The following GTF2E2 variants were observed in gnomAD, a reference collection of about 807,000 sequenced individuals.
GTF2E2 encodes transcription initiation factor IIE subunit beta.
A neutral mutation model predicts 40.5 loss-of-function variants in GTF2E2; 21 were observed. The observed-to-expected ratio is 0.52, with a 90% confidence interval of 0.37 to 0.75. GTF2E2 has a LOEUF of 0.75. GTF2E2 is among the 30% of genes least tolerant of loss of function. The pLI, the probability that GTF2E2 is intolerant of heterozygous loss-of-function variation, is 0.00. For synonymous variants in GTF2E2, 117 were observed against 121.6 expected, an observed-to-expected ratio of 0.96 and a Z score of 0.25; for missense variants, 298 against 338.4, an observed-to-expected ratio of 0.88 and a Z score of 0.94.
chr8:30,616,343 G>A (rs1800917221), intron 3 of GTF2E2, among the ~76,000 whole-genome samples: 1 of 152,114 alleles, frequency 6.6e-6, no homozygotes, highest in African/African-American at 2.4e-5. Flanking sequence ...GGCTGAGGCA[G>A]GGGAATCACT....
intron 3 of GTF2E2, among the ~76,000 whole-genome samples, chr8:30,625,629 T>A (rs1358796967): frequency 6.6e-6 from 1 of 151,228 alleles, no homozygotes; most frequent in Non-Finnish European, 1.5e-5. Flanking sequence ...GTTTTTTGTT[T>A]TAAGGGACAC....
rs369536815 is a variant in GTF2E2, at chr8:30,602,749, C to T, written c.643+4308G>A. Among the ~76,000 whole-genome samples the T allele has an allele frequency of 1.2e-3, 152 of 124,766 alleles. 1 individual carries two copies. The highest frequency in any genetic ancestry group is 4.5e-3 in the Middle Eastern group (1 of 224). 81.9% of individuals were successfully genotyped at this position (124,766 alleles called of 152,430 possible). A position where few individuals can be genotyped will look rare whatever the true frequency, so the allele number is the denominator to read the frequency against. ...AGCCTGGGCAACAAGAGCGAAACTC[C>T]GTCTCAAAAAAAAAAAAAAAAAGGT... On this transcript the variant is annotated intron_variant, in intron 6 of 7. Coordinates refer to ENST00000355904, the MANE Select transcript of GTF2E2 (RefSeq NM_002095.6).
At chr8:30,647,809 T>C (rs1018998508) in intron 2 of GTF2E2, among the ~76,000 whole-genome samples, 3 of 152,168 alleles carry the variant, frequency 2.0e-5, no homozygotes, top group African/African-American at 7.2e-5. Context: ...AGTATACAAG[T>C]CCTTTAATAA....
intron 6 of GTF2E2, among the ~76,000 whole-genome samples, chr8:30,582,071 G>A (rs1197942952): frequency 3.9e-5 from 6 of 152,120 alleles, no homozygotes; most frequent in Non-Finnish European, 7.4e-5. Flanking sequence ...GAAAGCAGTG[G>A]CGCAATCTCA....
chr8:30,583,600 G>A (rs1396845529), intron 6 of GTF2E2, among the ~76,000 whole-genome samples: 5 of 151,920 alleles, frequency 3.3e-5, no homozygotes, highest in African/African-American at 4.8e-5. Context: ...GGCTGGTCTC[G>A]AACGTCTAGA....
intron 3 of GTF2E2, among the ~76,000 whole-genome samples, chr8:30,617,521 T>C (rs772829632): frequency 4.1e-4 from 62 of 152,094 alleles, no homozygotes; most frequent in Middle Eastern, 6.3e-3. Flanking sequence ...GTGGGCAGGT[T>C]GCTTGAACCC....
chr8:30,608,790 A>T (rs1017550162), intron 5 of GTF2E2, among the ~76,000 whole-genome samples: 1 of 152,204 alleles, frequency 6.6e-6, no homozygotes, highest in Non-Finnish European at 1.5e-5. Context: ...CACTCTGTCA[A>T]CCAGGCTGGA....
In GTF2E2 at chr8:30,589,588, A is replaced by AC. The variant is rs1312154405; in HGVS notation, c.644-9193dup. Reference sequence around the variant, plus strand: ...AAATAAAAAATAAATTTTAAGTATAACTTAAGCAGGCAGGATTATAAAGAC... The same window carrying AC: ...AAATAAAAAATAAATTTTAAGTATAACCTTAAGCAGGCAGGATTATAAAGAC... On this transcript the variant is annotated intron_variant, in intron 6 of 7. Coordinates refer to ENST00000355904, the MANE Select transcript of GTF2E2 (RefSeq NM_002095.6). Among the ~76,000 whole-genome samples the AC allele has an allele frequency of 3.9e-5, 6 of 152,330 alleles. No individual in the cohort carries two copies. The East Asian group carries it at 1.2e-3, about 29-fold the overall frequency.
intron 3 of GTF2E2, among the ~76,000 whole-genome samples, chr8:30,615,725 G>T (rs933163851): frequency 2.6e-5 from 4 of 152,182 alleles, no homozygotes; most frequent in African/African-American, 9.7e-5. Flanking sequence ...TGGTGAGTAT[G>T]CTAAATGGTA....
chr8:30,640,128 C>G (rs1470289578), intron 2 of GTF2E2, among the ~76,000 whole-genome samples: 1 of 152,154 alleles, frequency 6.6e-6, no homozygotes, highest in Non-Finnish European at 1.5e-5. Context: ...AGGCTCATTG[C>G]TGTTTCACCA....
At chr8:30,600,359 C>A (rs1460196693) in intron 6 of GTF2E2, among the ~76,000 whole-genome samples, 2 of 152,066 alleles carry the variant, frequency 1.3e-5, no homozygotes, top group Non-Finnish European at 2.9e-5. Flanking sequence ...TTTATTTTTC[C>A]GATACTAATA....
rs541510806 is a variant in GTF2E2, at chr8:30,614,376, T to C, written c.366+232A>G. Among the ~76,000 whole-genome samples, 30 of 152,210 alleles carry C rather than the reference T, an allele frequency of 2.0e-4. No homozygotes were observed. In the East Asian group the frequency reaches 5.8e-3, roughly 29 times the overall value. ...GGGCGGATCACTTGAGGTCAGGAGT[T>C]CAACACCAGCCTGGCCAACATGGTG... is the stretch of plus-strand genomic sequence containing the variant. On this transcript the variant is annotated intron_variant, in intron 4 of 7. Coordinates refer to ENST00000355904, the MANE Select transcript of GTF2E2 (RefSeq NM_002095.6).
chr8:30,621,973 TA>T lies in GTF2E2; in HGVS notation c.259-7259del, dbSNP rs1389139029. 8.0e-5 allele frequency among the ~76,000 whole-genome samples: 10 copies of T among 125,040 alleles called. No homozygotes were observed. In the South Asian group the frequency reaches 1.1e-3, roughly 14 times the overall value. 82.0% of individuals were successfully genotyped at this position (125,040 alleles called of 152,430 possible). ...TAAATCTAGGGGGTTCTTATATATATATATATTTTTTTATTATACTTTAAAG... is the reference window on the plus strand; with the variant it reads ...TAAATCTAGGGGGTTCTTATATATATTATATTTTTTTATTATACTTTAAAG... On this transcript the variant is annotated intron_variant, in intron 3 of 7. Transcript: ENST00000355904.
At chr8:30,584,028 G>A (rs982095880) in intron 6 of GTF2E2, among the ~76,000 whole-genome samples, 22 of 151,492 alleles carry the variant, frequency 1.5e-4, no homozygotes, top group Non-Finnish European at 1.6e-4. Flanking sequence ...GGATGGTCTC[G>A]ATCTCCTGAT....
chr8:30,625,566 G>A (rs1369145893), intron 3 of GTF2E2, among the ~76,000 whole-genome samples: 2 of 151,694 alleles, frequency 1.3e-5, no homozygotes, highest in South Asian at 2.1e-4. Context: ...CCATGTGGCA[G>A]TGTGCAAGTA....
intron 6 of GTF2E2, among the ~76,000 whole-genome samples, chr8:30,587,344 T>C (rs1828711384): frequency 6.6e-6 from 1 of 151,626 alleles, no homozygotes; most frequent in South Asian, 2.1e-4. Flanking sequence ...GCCTGGGAGG[T>C]GGAGGCTGCA....
At chr8:30,603,963 G>C (rs1450335118) in intron 6 of GTF2E2, among the ~76,000 whole-genome samples, 1 of 151,950 alleles carries the variant, frequency 6.6e-6, no homozygotes. Context: ...GAAAAACACA[G>C]AATTATCAAA....
At chr8:30,630,023 C>T (rs1003958567) in intron 3 of GTF2E2, among the ~76,000 whole-genome samples, 2 of 152,168 alleles carry the variant, frequency 1.3e-5, no homozygotes, top group South Asian at 2.1e-4. Context: ...AGGGGATTTT[C>T]GAGATAACTT....
chr8:30,602,084 C>T (rs1829196230), intron 6 of GTF2E2, among the ~76,000 whole-genome samples: 1 of 150,442 alleles, frequency 6.6e-6, no homozygotes, highest in African/African-American at 2.5e-5. Context: ...GTGGCACAAT[C>T]TAGGCTCACT....
Sources: allele counts gnomAD v4.1 joint callset (sites outside exome capture counted in the v4.1 genomes callset), GRCh38; gene constraint gnomAD v4.1.1; transcripts MANE v1.5; gene names NCBI Gene and HGNC (gene_info 2026-07-23, HGNC 2026-07-21).